The following NAALADL2 variants were observed in gnomAD, a reference collection of about 807,000 sequenced individuals.
NAALADL2 encodes the protein N-acetylated alpha-linked acidic dipeptidase like 2, also known as inactive N-acetylated-alpha-linked acidic dipeptidase-like protein 2.
A neutral mutation model predicts 87.2 loss-of-function variants in NAALADL2; 76 were observed. The ratio of observed to expected loss-of-function variants is 0.87; its 90% confidence interval spans 0.72 to 1.05. The LOEUF is 1.05. Ranked by LOEUF, NAALADL2 falls within the 50% of genes least tolerant of loss-of-function variation. NAALADL2 has a pLI of 0.00. For synonymous variants in NAALADL2, 354 were observed against 331.0 expected (o/e 1.07, Z -0.75); for missense variants, 1,089 against 945.8 (o/e 1.15, Z -1.99).
intron 5 of NAALADL2, among the ~76,000 whole-genome samples, chr3:175,445,019 C>A (rs1209961392): frequency 6.6e-6 from 1 of 152,254 alleles, no homozygotes; most frequent in Non-Finnish European, 1.5e-5. Context: ...AAGCTCTGCG[C>A]CCTCTGAAGT....
intron 4 of NAALADL2, among the ~76,000 whole-genome samples, chr3:175,304,422 T>G (rs962491516): frequency 6.6e-6 from 1 of 152,224 alleles, no homozygotes; most frequent in Non-Finnish European, 1.5e-5. Flanking sequence ...ATTGAAACCC[T>G]GTATGCAAGT....
chr3:175,705,965 A>G (rs1305538012), intron 11 of NAALADL2, among the ~76,000 whole-genome samples: 1 of 152,158 alleles, frequency 6.6e-6, no homozygotes, highest in Non-Finnish European at 1.5e-5. Context: ...AGGAAGTAAC[A>G]TGGCATTTTC....
chr3:175,493,440 T>G (rs2149350184), intron 9 of NAALADL2, among the ~76,000 whole-genome samples: 1 of 152,186 alleles, frequency 6.6e-6, no homozygotes, highest in Admixed American at 6.6e-5. Flanking sequence ...AGGTAAAACA[T>G]TCATCTCTTA....
intron 3 of NAALADL2, among the ~76,000 whole-genome samples, chr3:174,823,682 C>T (rs1435345422): frequency 6.6e-6 from 1 of 152,102 alleles, no homozygotes; most frequent in Non-Finnish European, 1.5e-5. Flanking sequence ...TTCTCTGTAA[C>T]ATAAGTTATT....
At chr3:175,194,676 T>G (rs1229370442) in intron 2 of NAALADL2, among the ~76,000 whole-genome samples, 2 of 151,862 alleles carry the variant, frequency 1.3e-5, no homozygotes, top group Admixed American at 1.3e-4. Flanking sequence ...TGAGGTATTT[T>G]TAAAATTAAT....
intron 11 of NAALADL2, among the ~76,000 whole-genome samples, chr3:175,728,653 A>G (rs566939780): frequency 6.6e-5 from 10 of 152,328 alleles, no homozygotes; most frequent in East Asian, 3.9e-4. Flanking sequence ...GGATGAACAT[A>G]ACAGCCTGAA....
At chr3:175,642,152 CTTTG>C (rs1485814091) in intron 11 of NAALADL2, among the ~76,000 whole-genome samples, 1 of 152,084 alleles carries the variant, frequency 6.6e-6, no homozygotes, top group Non-Finnish European at 1.5e-5. Context: ...CCTGAGAGTT[CTTTG>C]TTTGCATTTT....
chr3:174,820,456 A>T lies in NAALADL2; in HGVS notation c.-9+82710A>T, dbSNP rs1470429304. On this transcript the variant is annotated intron_variant, in intron 3 of 3. Transcript: ENST00000434257. ...ATAATTTATCAGAATTTCTATGTTT[A>T]TAGTATATACAATTGTAGTGGTCCT... 2.0e-5 allele frequency among the ~76,000 whole-genome samples: 3 copies of T among 152,218 alleles called. No individual in the cohort carries two copies. The East Asian group carries it at 5.8e-4, about 29-fold the overall frequency.
chr3:174,799,908 C>T (rs1369944271), intron 3 of NAALADL2, among the ~76,000 whole-genome samples: 1 of 152,086 alleles, frequency 6.6e-6, no homozygotes, highest in Non-Finnish European at 1.5e-5. Context: ...AAAGGTGACT[C>T]TTGTTATGTT....
intron 13 of NAALADL2, among the ~76,000 whole-genome samples, chr3:175,791,154 TGA>T (rs1459369840): frequency 6.6e-6 from 1 of 152,232 alleles, no homozygotes; most frequent in Non-Finnish European, 1.5e-5. Flanking sequence ...ATATTTAATA[TGA>T]GGGGAAAAAT....
intron 12 of NAALADL2, among the ~76,000 whole-genome samples, chr3:175,739,132 A>G (rs919545265): frequency 6.6e-6 from 1 of 152,224 alleles, no homozygotes. Flanking sequence ...AGTATACTGC[A>G]AAATGCTAAC....
chr3:175,163,091 A>C (rs2108855524), intron 2 of NAALADL2, among the ~76,000 whole-genome samples: 1 of 152,136 alleles, frequency 6.6e-6, no homozygotes, highest in Admixed American at 6.6e-5. Flanking sequence ...TGTCTTAGTG[A>C]GTTAGTCTGT....
intron 1 of NAALADL2, among the ~76,000 whole-genome samples, chr3:174,970,448 T>C (rs1007894359): frequency 6.6e-6 from 1 of 152,140 alleles, no homozygotes; most frequent in Non-Finnish European, 1.5e-5. Context: ...TGCTTTAGGT[T>C]GTTAATCTGG....
intron 2 of NAALADL2, among the ~76,000 whole-genome samples, chr3:174,718,481 CAG>C (rs755996977): frequency 6.6e-6 from 1 of 152,068 alleles, no homozygotes; most frequent in South Asian, 2.1e-4. Context: ...AGCTGAGAGT[CAG>C]AGAGGTGAAA....
chr3:175,788,714 G>A (rs1205735262), intron 13 of NAALADL2, among the ~76,000 whole-genome samples: 3 of 152,106 alleles, frequency 2.0e-5, no homozygotes, highest in Admixed American at 6.6e-5. Flanking sequence ...CTAGCCATTA[G>A]TACTAGTAGT....
At chr3:175,050,171 A>G (rs9829409) in intron 1 of NAALADL2, among the ~76,000 whole-genome samples, 16,318 of 152,240 alleles carry the variant, frequency 0.11, 882 homozygotes, top group Middle Eastern at 0.2. Flanking sequence ...TTGTGACCCA[A>G]CTGCCGGGAT....
At chr3:175,070,556 A>T (rs1391677746) in intron 1 of NAALADL2, among the ~76,000 whole-genome samples, 1 of 152,094 alleles carries the variant, frequency 6.6e-6, no homozygotes, top group Non-Finnish European at 1.5e-5. Flanking sequence ...TATAATTACT[A>T]AAGTGTAGCA....
intron 1 of NAALADL2, among the ~76,000 whole-genome samples, chr3:175,049,865 C>T (rs1580190347): frequency 1.3e-5 from 2 of 152,254 alleles, no homozygotes; most frequent in East Asian, 3.9e-4. Flanking sequence ...ATATGGACCG[C>T]AATTAAATAC....
At chr3:174,876,029 T>C (rs937881810) in intron 1 of NAALADL2, among the ~76,000 whole-genome samples, 1 of 152,126 alleles carries the variant, frequency 6.6e-6, no homozygotes, top group Non-Finnish European at 1.5e-5. Flanking sequence ...TTTCAAGAAT[T>C]ATACAAAACA....
Sources: gnomAD v4.1 joint callset for allele counts (sites outside exome capture counted in the v4.1 genomes callset) on GRCh38, gnomAD v4.1.1 for gene constraint, MANE v1.5 for transcripts, NCBI Gene and HGNC (gene_info 2026-07-23, HGNC 2026-07-21) for gene names.